The following GRAMD4 variants were observed in gnomAD, a reference collection of about 807,000 sequenced individuals.
GRAMD4 encodes GRAM domain containing 4.
Under a neutral mutation model 83.9 loss-of-function variants are expected in GRAMD4, and 25 were observed. That is an observed-to-expected ratio of 0.30 (90% CI 0.22 to 0.42). GRAMD4 has a LOEUF of 0.42. Ranked by LOEUF, GRAMD4 falls within the 10% of genes least tolerant of loss-of-function variation. The pLI, the probability that GRAMD4 is intolerant of heterozygous loss-of-function variation, is 1.00. For missense variants in GRAMD4, 593 were observed against 788.7 expected (o/e 0.75, Z 2.97); for synonymous variants, 336 against 320.9 (o/e 1.05, Z -0.50).
At chr22:46,634,976 A>G (rs891782202) in intron 2 of GRAMD4, among the ~76,000 whole-genome samples, 7 of 151,994 alleles carry the variant, frequency 4.6e-5, no homozygotes, top group Non-Finnish European at 2.9e-5. Flanking sequence ...ATAATAGAAA[A>G]CATTCAAAAT....
intron 2 of GRAMD4, among the ~76,000 whole-genome samples, chr22:46,631,059 G>A (rs1206814029): frequency 1.3e-5 from 2 of 152,254 alleles, no homozygotes; most frequent in East Asian, 3.9e-4. Flanking sequence ...AGACGGCAGT[G>A]CCGAGTGGCT....
chr22:46,581,799 TA>T (rs1356990032), intron 1 of GRAMD4, among the ~76,000 whole-genome samples: 3 of 152,234 alleles, frequency 2.0e-5, no homozygotes, highest in African/African-American at 7.2e-5. Context: ...CTAAGCCCCA[TA>T]TGCACGGGGG....
In GRAMD4 at chr22:46,622,801, A is replaced by C. The variant is rs949422759; in HGVS notation, c.-50+2236A>C. Among the ~76,000 whole-genome samples the C allele has an allele frequency of 5.9e-5, 9 of 151,462 alleles. No homozygotes were observed. The highest frequency in any genetic ancestry group is 2.2e-4 in the African/African-American group (9 of 41,144). ...GTGGCGGGTGCCTGTAGTCCCAGCT[A>C]CTCGGGAGGCTGAGGCAGGAGAATG... On this transcript the variant is annotated intron_variant, in intron 1 of 18. Coordinates refer to ENST00000406902, the MANE Select transcript of GRAMD4 (RefSeq NM_015124.5). The surrounding 1 kb of genome is among the most constrained non-coding windows in gnomAD (Gnocchi z 4.0).
intron 1 of GRAMD4, among the ~76,000 whole-genome samples, chr22:46,601,061 T>C (rs1428882766): frequency 6.6e-6 from 1 of 152,088 alleles, no homozygotes; most frequent in East Asian, 1.9e-4. Flanking sequence ...GGAGAATCAC[T>C]TTAACCTGGG....
At chr22:46,618,641 A>G (rs2081534389), upstream of GRAMD4, among the ~76,000 whole-genome samples, 1 of 152,170 alleles carries the variant, frequency 6.6e-6, no homozygotes. This position sits in a 1 kb window ranked among gnomAD's most constrained non-coding sequence, Gnocchi z 5.8. Context: ...AGGCCTCACC[A>G]TGCTTGCCAT....
intron 3 of GRAMD4, among the ~76,000 whole-genome samples, chr22:46,656,492 G>A (rs911032037): frequency 1.3e-5 from 2 of 152,228 alleles, no homozygotes; most frequent in Non-Finnish European, 2.9e-5. Context: ...TGGGACTGGG[G>A]CCTGAGGCTG....
downstream of GRAMD4, among the ~76,000 whole-genome samples, chr22:46,681,403 C>T (rs1038336973): frequency 1.3e-5 from 2 of 152,242 alleles, no homozygotes; most frequent in Non-Finnish European, 1.5e-5. Context: ...TCACCATTTA[C>T]GGGTGATTGT....
chr22:46,591,868 C>T, intron 1 of GRAMD4, among the ~76,000 whole-genome samples: 1 of 143,472 alleles, frequency 7.0e-6, no homozygotes, highest in East Asian at 2.0e-4. Context: ...AAAGGCCAAC[C>T]CCCGCACCCC....
chr22:46,612,847 C>G (rs2081431474), intron 1 of GRAMD4, among the ~76,000 whole-genome samples: 1 of 152,216 alleles, frequency 6.6e-6, no homozygotes. Flanking sequence ...CTGACGCGGT[C>G]TCCTGCTTCC....
At chr22:46,624,277 C>T (rs1054448194) in intron 1 of GRAMD4, among the ~76,000 whole-genome samples, 5 of 143,216 alleles carry the variant, frequency 3.5e-5, no homozygotes, top group Admixed American at 7.1e-5. Context: ...ATAGACTCTT[C>T]CATCTTCTTC....
chr22:46,669,411 G>A lies in GRAMD4; in HGVS notation c.1084+503G>A, dbSNP rs1041085146. Among the ~76,000 whole-genome samples, 6 of 151,528 alleles carry A rather than the reference G, an allele frequency of 4.0e-5. No homozygotes were observed. In the East Asian group the frequency reaches 7.7e-4, roughly 19 times the overall value. On this transcript the variant is annotated intron_variant, in intron 13 of 18. Coordinates refer to ENST00000406902, the MANE Select transcript of GRAMD4 (RefSeq NM_015124.5). ...AGGAGGGTGGCTGGCGGTGAGGACC[G>A]GGCTGTGCCGGGAGGTGGGTGGGGT...
In GRAMD4 at chr22:46,621,768, G is replaced by A. The variant is rs2081579607; in HGVS notation, c.-50+1203G>A. ...ACCCCGGTGCAGGCGCAGGCTGGAAGTGTAGCCCGGGCCCATCCCTGGTGG... is the reference window on the plus strand; with the variant it reads ...ACCCCGGTGCAGGCGCAGGCTGGAAATGTAGCCCGGGCCCATCCCTGGTGG... On this transcript the variant is annotated intron_variant, in intron 1 of 18. Coordinates refer to ENST00000406902, the MANE Select transcript of GRAMD4 (RefSeq NM_015124.5). This position sits in a 1 kb window ranked among gnomAD's most constrained non-coding sequence, Gnocchi z 5.8. Among the ~76,000 whole-genome samples the A allele has an allele frequency of 6.6e-6, 1 of 152,172 alleles. No homozygotes were observed. The highest frequency in any genetic ancestry group is 2.4e-5 in the African/African-American group (1 of 41,438).
rs561587452 is a variant in GRAMD4 at position 46,584,358 on chromosome 22, G to A, written c.-50+7068G>A. ...AGGAAATGCACGTGTGAGCTGACGC[G>A]CACATATGTACGTGTCTCTGCCTGT... On this transcript the variant is annotated intron_variant, in intron 1 of 1. Transcript: ENST00000431155. 4.6e-4 allele frequency among the ~76,000 whole-genome samples: 70 copies of A among 152,212 alleles called. 1 individual carries two copies. In the South Asian group the frequency reaches 5.8e-3, roughly 13 times the overall value.
At chr22:46,668,627 C>T (rs368347169) in intron 11 of GRAMD4, 62 bp from the exon 12 acceptor site, 111 of 1,485,808 alleles carry the variant, frequency 7.5e-5, no homozygotes, top group South Asian at 6.8e-4. Context: ...CTCCTGGCGT[C>T]GCGGTGTGAC....
intron 3 of GRAMD4, among the ~76,000 whole-genome samples, chr22:46,642,870 C>G (rs2081991763): frequency 6.6e-6 from 1 of 152,140 alleles, no homozygotes; most frequent in Non-Finnish European, 1.5e-5. Flanking sequence ...CCGCATTTGT[C>G]TGTCTGCCTC....
intron 9 of GRAMD4, among the ~76,000 whole-genome samples, 195 bp from the exon 10 acceptor site, chr22:46,666,630 C>A (rs2082412898): frequency 6.6e-6 from 1 of 152,140 alleles, no homozygotes; most frequent in Admixed American, 6.5e-5. Flanking sequence ...AGAGGAGGGG[C>A]TGGTGAGGGT....
At chr22:46,626,996 G>C (rs1302869649) in intron 2 of GRAMD4, 35 bp downstream of exon 2, 1 of 1,504,686 alleles carries the variant, frequency 6.6e-7, no homozygotes, top group Non-Finnish European at 9.2e-7. Flanking sequence ...GTGTGGGCTG[G>C]GGTGTCGTCC....
Position 46,622,575 on chromosome 22 carries a change from C to G in GRAMD4, c.-50+2010C>G, listed in dbSNP as rs149524987. On this transcript the variant is annotated intron_variant, in intron 1 of 18. Coordinates refer to ENST00000406902, the MANE Select transcript of GRAMD4 (RefSeq NM_015124.5). This position sits in a 1 kb window ranked among gnomAD's most constrained non-coding sequence, Gnocchi z 4.0. ...CAAGACGAGTCCGGAGGCAGCCGCT[C>G]AGCATCACAGATGTAATTTATGCCA... 6.6e-6 allele frequency among the ~76,000 whole-genome samples: 1 copy of G among 152,280 alleles called. No individual in the cohort carries two copies. The highest frequency in any genetic ancestry group is 1.9e-4 in the East Asian group (1 of 5,170).
intron 1 of GRAMD4, among the ~76,000 whole-genome samples, chr22:46,591,883 C>T (rs1168845388): frequency 1.0e-4 from 14 of 138,706 alleles, no homozygotes; most frequent in South Asian, 2.4e-4. Context: ...CACCCCTCAG[C>T]CCCCGCACCC....
Sources: allele counts gnomAD v4.1 joint callset (sites outside exome capture counted in the v4.1 genomes callset), GRCh38; gene constraint gnomAD v4.1.1; non-coding constraint Gnocchi (gnomAD v3.1); transcripts MANE v1.5; gene names NCBI Gene and HGNC (gene_info 2026-07-23, HGNC 2026-07-21).